Variants in GSG1L observed in about 807,000 individuals in gnomAD.
GSG1L encodes germ cell-specific gene 1-like protein.
Under a neutral mutation model 42.1 loss-of-function variants are expected in GSG1L, and 24 were observed. That is an observed-to-expected ratio of 0.57 (90% CI 0.41 to 0.80). The LOEUF (loss-of-function observed/expected upper bound fraction) is 0.80, where lower values mean the gene tolerates loss of function less well. Among genes scored for constraint, GSG1L ranks in the 30% least tolerant of loss-of-function variants. The pLI, the probability that GSG1L is intolerant of heterozygous loss-of-function variation, is 0.00. For synonymous variants in GSG1L, 215 were observed against 203.5 expected (o/e 1.06, Z -0.48); for missense variants, 445 against 472.2 (o/e 0.94, Z 0.53).
chr16:27,938,335 C>G (rs954879278), intron 2 of GSG1L, among the ~76,000 whole-genome samples: 34 of 150,112 alleles, frequency 2.3e-4, no homozygotes, highest in African/African-American at 8.1e-4. Flanking sequence ...TTGCAGTGAG[C>G]CGAGATCACA....
chr16:27,902,455 C>G (rs970735306), intron 2 of GSG1L, among the ~76,000 whole-genome samples: 1 of 152,062 alleles, frequency 6.6e-6, no homozygotes, highest in Non-Finnish European at 1.5e-5. Context: ...AAGGGGGAAT[C>G]TGGCTTCAGG....
intron 3 of GSG1L, among the ~76,000 whole-genome samples, chr16:27,852,912 G>C (rs1403253791): frequency 2.0e-5 from 3 of 152,044 alleles, no homozygotes; most frequent in Non-Finnish European, 2.9e-5. Context: ...CTGGAGGCAT[G>C]GAGCCCCGGG....
intron 3 of GSG1L, among the ~76,000 whole-genome samples, chr16:27,868,567 C>T (rs978666594): frequency 1.3e-5 from 2 of 150,680 alleles, no homozygotes; most frequent in East Asian, 3.9e-4. Context: ...TGGGCTGAAT[C>T]GAACCTGCAG....
intron 1 of GSG1L, among the ~76,000 whole-genome samples, chr16:28,006,870 C>G (rs1215289910): frequency 1.3e-5 from 2 of 152,138 alleles, no homozygotes; most frequent in African/African-American, 4.8e-5. Context: ...AGAGGCCGGC[C>G]CACCTGGAGG....
At chr16:27,914,494 C>T (rs1423517) in intron 2 of GSG1L, among the ~76,000 whole-genome samples, 37,806 of 151,548 alleles carry the variant, frequency 0.25, 5,022 homozygotes, top group Non-Finnish European at 0.29. Context: ...GTTTTAGAAG[C>T]GTTTTCTCTT....
rs568864667 is a variant in GSG1L, at chr16:27,911,266, G to GCTCGCTCT, written c.398-26629_398-26628insAGAGCGAG. Among the ~76,000 whole-genome samples, 10 of 122,152 alleles carry GCTCGCTCT rather than the reference G, an allele frequency of 8.2e-5. 1 individual carries two copies. The highest frequency in any genetic ancestry group is 3.5e-4 in the African/African-American group (10 of 28,634). The allele number at this position is 122,152 out of a possible 152,430, so 80.1% of individuals were successfully genotyped here. A position where few individuals can be genotyped will look rare whatever the true frequency, so the allele number is the denominator to read the frequency against. On this transcript the variant is annotated intron_variant, in intron 2 of 6. Coordinates refer to ENST00000447459, the MANE Select transcript of GSG1L (RefSeq NM_001109763.2). Reference sequence around the variant, plus strand: ...TCTCTAGCCTCATCACCTCTCTCTCGCTCTCTCTCTCTCTCTCTCTCTCTC... The same window carrying GCTCGCTCT: ...TCTCTAGCCTCATCACCTCTCTCTCGCTCGCTCTCTCTCTCTCTCTCTCTCTCTCTCTC...
intron 1 of GSG1L, among the ~76,000 whole-genome samples, chr16:27,968,121 A>C (rs531001974): frequency 6.6e-6 from 1 of 152,322 alleles, no homozygotes; most frequent in Non-Finnish European, 1.5e-5. Flanking sequence ...TCAAAACATA[A>C]TAATAAGAAT....
intron 2 of GSG1L, among the ~76,000 whole-genome samples, chr16:27,936,565 G>A (rs906887707): frequency 6.6e-6 from 1 of 152,102 alleles, no homozygotes; most frequent in Non-Finnish European, 1.5e-5. Context: ...GCAGATGCAG[G>A]CTTCTCGTAC....
chr16:27,864,377 G>A (rs1016765271), intron 3 of GSG1L, among the ~76,000 whole-genome samples: 2 of 152,162 alleles, frequency 1.3e-5, no homozygotes, highest in Admixed American at 6.5e-5. Flanking sequence ...AAGGCAAAAC[G>A]CACAGAAATC....
At chr16:27,984,152 C>T (rs529322359) in intron 1 of GSG1L, among the ~76,000 whole-genome samples, 2 of 152,146 alleles carry the variant, frequency 1.3e-5, no homozygotes, top group South Asian at 2.1e-4. Context: ...GTTGCATGGC[C>T]GCAAGACACC....
intron 1 of GSG1L, among the ~76,000 whole-genome samples, chr16:27,970,944 G>C (rs2085187190): frequency 2.0e-5 from 3 of 152,126 alleles, no homozygotes; most frequent in Admixed American, 2.0e-4. Context: ...TGGCACACTT[G>C]CCAAAAATTA....
At chr16:27,985,270 C>T (rs1027499175) in intron 1 of GSG1L, among the ~76,000 whole-genome samples, 2 of 152,018 alleles carry the variant, frequency 1.3e-5, no homozygotes, top group African/African-American at 4.8e-5. Context: ...GTGTTTGGGT[C>T]ATGGGGGCAG....
intron 2 of GSG1L, among the ~76,000 whole-genome samples, chr16:27,923,196 C>T (rs1434537396): frequency 6.6e-6 from 1 of 152,204 alleles, no homozygotes; most frequent in Non-Finnish European, 1.5e-5. Flanking sequence ...AACCACCAAG[C>T]TTGGCTCTGC....
chr16:28,000,372 A>G (rs548057304), intron 1 of GSG1L, among the ~76,000 whole-genome samples: 1 of 152,302 alleles, frequency 6.6e-6, no homozygotes, highest in East Asian at 1.9e-4. Context: ...GAAGCCTAGG[A>G]CCTTGCTGCA....
chr16:27,913,638 C>A (rs1053647053), intron 2 of GSG1L, among the ~76,000 whole-genome samples: 2 of 152,130 alleles, frequency 1.3e-5, no homozygotes, highest in South Asian at 2.1e-4. Context: ...TATTGGACCA[C>A]AATCAAGTTC....
At chr16:28,033,891 C>T (rs72785834) in intron 1 of GSG1L, among the ~76,000 whole-genome samples, 7,152 of 152,144 alleles carry the variant, frequency 0.047, 231 homozygotes, top group Non-Finnish European at 0.074. Flanking sequence ...CAGTGGAAAG[C>T]GGAAAATTGT....
intron 2 of GSG1L, among the ~76,000 whole-genome samples, chr16:27,947,559 A>AAG (rs1400036821): frequency 1.2e-5 from 1 of 86,482 alleles, no homozygotes; most frequent in Non-Finnish European, 2.8e-5. Context: ...GAAAGAAAGA[A>AAG]AGAAAGAAAG....
chr16:28,058,802 G>A (rs974934493), intron 1 of GSG1L, among the ~76,000 whole-genome samples: 1 of 152,150 alleles, frequency 6.6e-6, no homozygotes, highest in African/African-American at 2.4e-5. Flanking sequence ...TTGTGACACT[G>A]TAGCAGCATA....
chr16:27,966,715 A>G (rs1567538211), intron 1 of GSG1L, among the ~76,000 whole-genome samples: 1 of 152,244 alleles, frequency 6.6e-6, no homozygotes, highest in East Asian at 1.9e-4. Flanking sequence ...CAACTTCTAG[A>G]CCTTTCTAAC....
Sources: gnomAD v4.1 joint callset for allele counts (sites outside exome capture counted in the v4.1 genomes callset) on GRCh38, gnomAD v4.1.1 for gene constraint, MANE v1.5 for transcripts, NCBI Gene and HGNC (gene_info 2026-07-23, HGNC 2026-07-21) for gene names.